The following NSMCE2 variants were observed in gnomAD, a reference collection of about 807,000 sequenced individuals.
NSMCE2 encodes the protein NSE2 SUMO ligase component of SMC5/6 complex.
In NSMCE2, 24 loss-of-function variants were observed where a neutral mutation model predicts 23.8. That is an observed-to-expected ratio of 1.01 (90% CI 0.73 to 1.42). The LOEUF (loss-of-function observed/expected upper bound fraction) is 1.42, where lower values mean the gene tolerates loss of function less well. NSMCE2 is among the 40% of genes most tolerant of loss of function. The pLI is 0.00. For missense variants in NSMCE2, 284 were observed against 296.5 expected, an observed-to-expected ratio of 0.96 and a Z score of 0.31; for synonymous variants, 92 against 94.1, an observed-to-expected ratio of 0.98 and a Z score of 0.13.
intron 4 of NSMCE2, among the ~76,000 whole-genome samples, chr8:125,158,044 A>G (rs936967580): frequency 6.6e-6 from 1 of 152,238 alleles, no homozygotes; most frequent in Non-Finnish European, 1.5e-5. Flanking sequence ...TTAGTTAACT[A>G]GAACATCTCT....
At chr8:125,320,184 AAG>A (rs200502032) in intron 5 of NSMCE2, among the ~76,000 whole-genome samples, 45 of 142,008 alleles carry the variant, frequency 3.2e-4, no homozygotes, top group Non-Finnish European at 5.8e-4. Flanking sequence ...TCAAAAAAAA[AAG>A]AGAGAGAGAG....
At chr8:125,112,920 A>T (rs950515729) in intron 3 of NSMCE2, among the ~76,000 whole-genome samples, 8 of 152,210 alleles carry the variant, frequency 5.3e-5, no homozygotes, top group African/African-American at 1.7e-4. Context: ...TGATTTAAGT[A>T]TGTGAGGTAT....
chr8:125,353,790 G>A (rs1316815463), intron 5 of NSMCE2, among the ~76,000 whole-genome samples: 1 of 151,822 alleles, frequency 6.6e-6, no homozygotes, highest in Non-Finnish European at 1.5e-5. Context: ...GGCTGAGGCA[G>A]GAGAATTGCT....
chr8:125,115,140 A>G (rs1353569326), intron 3 of NSMCE2, among the ~76,000 whole-genome samples: 1 of 152,160 alleles, frequency 6.6e-6, no homozygotes, highest in Admixed American at 6.5e-5. Context: ...CAGTCAGTCA[A>G]CCAAGTAACT....
chr8:125,107,188 CTT>C (rs71295817), intron 3 of NSMCE2, among the ~76,000 whole-genome samples: 6 of 120,012 alleles, frequency 5.0e-5, no homozygotes, highest in Non-Finnish European at 1.7e-5. Context: ...CAAGGACATT[CTT>C]TTTTTTTTTT....
intron 3 of NSMCE2, among the ~76,000 whole-genome samples, chr8:125,146,460 G>A (rs1054996178): frequency 3.3e-5 from 5 of 152,004 alleles, no homozygotes; most frequent in African/African-American, 4.8e-5. Flanking sequence ...TGTTTATTGC[G>A]GCACTATTCA....
intron 5 of NSMCE2, among the ~76,000 whole-genome samples, chr8:125,240,583 T>A (rs1307701871): frequency 6.6e-6 from 1 of 152,242 alleles, no homozygotes; most frequent in Non-Finnish European, 1.5e-5. Flanking sequence ...TTTTTCTGCA[T>A]CACCTGTTCT....
At chr8:125,105,866 G>T (rs891753269) in intron 3 of NSMCE2, among the ~76,000 whole-genome samples, 1 of 152,050 alleles carries the variant, frequency 6.6e-6, no homozygotes, top group Non-Finnish European at 1.5e-5. Flanking sequence ...TTAATATTTG[G>T]ATTAATTTTA....
intron 5 of NSMCE2, among the ~76,000 whole-genome samples, chr8:125,294,810 C>A (rs1268596062): frequency 1.3e-5 from 2 of 152,212 alleles, no homozygotes; most frequent in African/African-American, 4.8e-5. Flanking sequence ...AGGCCTTTAT[C>A]TGAGCTACTC....
At chr8:125,279,432 T>C (rs1291482464) in intron 5 of NSMCE2, among the ~76,000 whole-genome samples, 2 of 152,176 alleles carry the variant, frequency 1.3e-5, no homozygotes, top group Non-Finnish European at 2.9e-5. Context: ...CACAAGTAAA[T>C]GTATAATGGG....
chr8:125,093,219 A>G (rs1396981996), intron 1 of NSMCE2, among the ~76,000 whole-genome samples: 2 of 152,220 alleles, frequency 1.3e-5, no homozygotes, highest in African/African-American at 4.8e-5. Flanking sequence ...CAAAGCAGCT[A>G]TCTGGAGCAT....
intron 5 of NSMCE2, among the ~76,000 whole-genome samples, chr8:125,287,785 G>A (rs574639202): frequency 1.3e-5 from 2 of 152,192 alleles, no homozygotes; most frequent in South Asian, 2.1e-4. Flanking sequence ...TTGGCAGCCC[G>A]ATCTCTTCCA....
At chr8:125,168,916 T>C (rs1228186730) in intron 4 of NSMCE2, among the ~76,000 whole-genome samples, 1 of 152,200 alleles carries the variant, frequency 6.6e-6, no homozygotes, top group Non-Finnish European at 1.5e-5. Flanking sequence ...TTTATACACA[T>C]TACCATGTAT....
At chr8:125,157,092 C>T (rs886095715) in intron 4 of NSMCE2, among the ~76,000 whole-genome samples, 3 of 152,116 alleles carry the variant, frequency 2.0e-5, no homozygotes, top group African/African-American at 2.4e-5. Flanking sequence ...GAATATACCC[C>T]ACTCTATTAG....
chr8:125,198,757 G>C (rs977904579), intron 5 of NSMCE2, among the ~76,000 whole-genome samples: 1 of 152,208 alleles, frequency 6.6e-6, no homozygotes, highest in African/African-American at 2.4e-5. Flanking sequence ...GTTTCAGAAG[G>C]AATGGTACCA....
At chr8:125,298,692 T>G (rs1346483623) in intron 5 of NSMCE2, among the ~76,000 whole-genome samples, 1 of 83,604 alleles carries the variant, frequency 1.2e-5, no homozygotes, top group Non-Finnish European at 2.5e-5. Context: ...TGTGGGTTTT[T>G]TTTTGTTTTT....
intron 5 of NSMCE2, among the ~76,000 whole-genome samples, chr8:125,305,918 T>C (rs1828737022): frequency 6.6e-6 from 1 of 152,202 alleles, no homozygotes; most frequent in African/African-American, 2.4e-5. Context: ...TCAGTTGTAG[T>C]ACAGGCTAAA....
chr8:125,187,968 G>A lies in NSMCE2; in HGVS notation c.418+5712G>A, dbSNP rs190049640. 7.8e-4 allele frequency among the ~76,000 whole-genome samples: 119 copies of A among 152,202 alleles called. No individual in the cohort carries two copies. In the South Asian group the frequency reaches 0.02, roughly 25 times the overall value. ...GGTCACTGTTACATATAGAATATATGGTATGGAGATAATTGCAGCTACAAG... is the reference window on the plus strand; with the variant it reads ...GGTCACTGTTACATATAGAATATATAGTATGGAGATAATTGCAGCTACAAG... On this transcript the variant is annotated intron_variant, in intron 5 of 7. Coordinates refer to ENST00000287437, the MANE Select transcript of NSMCE2 (RefSeq NM_173685.4).
At chr8:125,256,922 C>CAAAAAAAAAAAAAAAAAAAAAAA (rs60308659) in intron 5 of NSMCE2, among the ~76,000 whole-genome samples, 1 of 26,064 alleles carries the variant, frequency 3.8e-5, no homozygotes, top group African/African-American at 1.1e-4. Flanking sequence ...GACTCTGTGT[C>CAAAAAAAAAAAAAAAAAAAAAAA]AAAAAAAAAA....
Sources: gnomAD v4.1 joint callset for allele counts (sites outside exome capture counted in the v4.1 genomes callset) on GRCh38, gnomAD v4.1.1 for gene constraint, MANE v1.5 for transcripts, NCBI Gene and HGNC (gene_info 2026-07-23, HGNC 2026-07-21) for gene names.